The following MYO3B variants were observed in gnomAD, a reference collection of about 807,000 sequenced individuals.
The protein encoded by MYO3B is myosin IIIB, also known as myosin-IIIb.
A neutral mutation model predicts 174.6 loss-of-function variants in MYO3B; 156 were observed. The observed-to-expected ratio is 0.89, with a 90% CI of 0.78 to 1.02. The LOEUF is 1.02. MYO3B is among the 50% of genes least tolerant of loss of function. The pLI, the probability that MYO3B is intolerant of heterozygous loss-of-function variation, is 0.00. For synonymous variants in MYO3B, 563 were observed against 569.1 expected, an observed-to-expected ratio of 0.99 and a Z score of 0.15; for missense variants, 1,632 against 1,639.4, an observed-to-expected ratio of 1.00 and a Z score of 0.08.
At chr2:170,423,883 G>A (rs2094639209) in intron 22 of MYO3B, among the ~76,000 whole-genome samples, 1 of 152,106 alleles carries the variant, frequency 6.6e-6, no homozygotes, top group Non-Finnish European at 1.5e-5. Context: ...CCAGCCCATA[G>A]CAAAAGCTTT....
intron 32 of MYO3B, among the ~76,000 whole-genome samples, chr2:170,573,038 G>T (rs976999373): frequency 1.3e-5 from 2 of 151,808 alleles, no homozygotes; most frequent in African/African-American, 2.4e-5. Flanking sequence ...CTGATAAAAG[G>T]TATATATTCT....
chr2:170,272,880 A>C (rs767496931), intron 7 of MYO3B, among the ~76,000 whole-genome samples: 1 of 152,166 alleles, frequency 6.6e-6, no homozygotes, highest in Admixed American at 6.5e-5. Flanking sequence ...TCATAATACT[A>C]TTCTGGTATA....
chr2:170,404,523 T>C (rs989527088), intron 20 of MYO3B, 123 bp downstream of exon 20: 8 of 907,188 alleles, frequency 8.8e-6, no homozygotes, highest in African/African-American at 3.4e-5. Flanking sequence ...TGTAAGAATA[T>C]AGGCCTTCTT....
intron 8 of MYO3B, among the ~76,000 whole-genome samples, chr2:170,354,269 C>A (rs2105613253): frequency 6.6e-6 from 1 of 152,290 alleles, no homozygotes; most frequent in South Asian, 2.1e-4. Flanking sequence ...AGTTCTGGTT[C>A]CTTTTTTTTG....
At chr2:170,301,684 T>C (rs773489471) in intron 7 of MYO3B, among the ~76,000 whole-genome samples, 3 of 152,112 alleles carry the variant, frequency 2.0e-5, no homozygotes, top group Admixed American at 6.5e-5. Flanking sequence ...CAATAATATA[T>C]GGGCAATAAC....
chr2:170,650,061 C>A (rs1333496289), intron 32 of MYO3B: 1 of 104,852 alleles, frequency 9.5e-6, no homozygotes, highest in African/African-American at 3.7e-5. Context: ...GAGACAGAGT[C>A]TCACTCTGTC....
At chr2:170,521,645 A>G (rs1421730755) in intron 30 of MYO3B, among the ~76,000 whole-genome samples, 1 of 152,010 alleles carries the variant, frequency 6.6e-6, no homozygotes, top group African/African-American at 2.4e-5. Flanking sequence ...CCCTACCACT[A>G]TCAGGTAGCA....
At chr2:170,354,845 A>AT (rs944383215) in intron 8 of MYO3B, among the ~76,000 whole-genome samples, 12 of 150,076 alleles carry the variant, frequency 8.0e-5, no homozygotes, top group Non-Finnish European at 1.8e-4. Flanking sequence ...CCCAGACTCT[A>AT]TTTGGCCGTC....
At chr2:170,348,538 C>T (rs2094035900) in intron 8 of MYO3B, 1 of 151,996 alleles carries the variant, frequency 6.6e-6, no homozygotes, top group African/African-American at 2.4e-5. Context: ...ATGCCCAGCC[C>T]ATACTGTGTA....
chr2:170,423,229 C>T (rs1308398943), intron 22 of MYO3B, among the ~76,000 whole-genome samples: 10 of 152,134 alleles, frequency 6.6e-5, no homozygotes, highest in African/African-American at 2.2e-4. Flanking sequence ...GTGATCCACC[C>T]ACCTTGGCCT....
intron 32 of MYO3B, among the ~76,000 whole-genome samples, chr2:170,588,169 C>T (rs576837646): frequency 2.0e-5 from 3 of 152,072 alleles, no homozygotes; most frequent in Admixed American, 6.6e-5. Flanking sequence ...TGGTGACTCA[C>T]TTCTGTAATC....
At chr2:170,621,853 C>T (rs1035641398) in intron 32 of MYO3B, among the ~76,000 whole-genome samples, 4 of 151,998 alleles carry the variant, frequency 2.6e-5, no homozygotes, top group African/African-American at 9.7e-5. Flanking sequence ...GAATTGTGTA[C>T]CTGTTTTGGA....
intron 30 of MYO3B, among the ~76,000 whole-genome samples, chr2:170,538,528 G>A (rs1689872359): frequency 6.6e-6 from 1 of 152,204 alleles, no homozygotes; most frequent in Non-Finnish European, 1.5e-5. Flanking sequence ...CAGAAGAAGG[G>A]AGATGCTGGG....
At chr2:170,626,971 G>A (rs1348360700) in intron 32 of MYO3B, among the ~76,000 whole-genome samples, 2 of 152,066 alleles carry the variant, frequency 1.3e-5, no homozygotes, top group African/African-American at 4.8e-5. Context: ...CTCTCTGGCT[G>A]CCCTTAACAT....
intron 32 of MYO3B, among the ~76,000 whole-genome samples, chr2:170,546,299 T>A (rs1044990227): frequency 3.9e-5 from 6 of 152,208 alleles, no homozygotes; most frequent in African/African-American, 1.4e-4. Flanking sequence ...CATTTATGAG[T>A]TCTCTCCTCA....
At chr2:170,432,552 GTTAA>G (rs2094718094) in intron 22 of MYO3B, among the ~76,000 whole-genome samples, 1 of 151,240 alleles carries the variant, frequency 6.6e-6, no homozygotes, top group East Asian at 1.9e-4. Flanking sequence ...ATGGTAAGTG[GTTAA>G]TTTATTATTT....
chr2:170,499,913 T>TCCTTCTCCCCTCCCTC (rs1687135987), intron 27 of MYO3B, 105 bp downstream of exon 27: 55 of 886,066 alleles, frequency 6.2e-5, no homozygotes, highest in Non-Finnish European at 7.0e-5. Context: ...CTCCCTCCCT[T>TCCTTCTCCCCTCCCTC]CCTTCTCCCC....
chr2:170,546,843 C>T (rs1690525762), intron 32 of MYO3B, among the ~76,000 whole-genome samples: 1 of 152,134 alleles, frequency 6.6e-6, no homozygotes, highest in South Asian at 2.1e-4. Context: ...CACTAACATC[C>T]AGAAGGTTTG....
chr2:170,547,980 G>T (rs560351388), intron 32 of MYO3B, among the ~76,000 whole-genome samples: 105 of 151,826 alleles, frequency 6.9e-4, no homozygotes, highest in Non-Finnish European at 1.4e-3. Flanking sequence ...GGTGGCAGGC[G>T]CCTGTAGTCC....
Sources: allele counts gnomAD v4.1 joint callset (sites outside exome capture counted in the v4.1 genomes callset), GRCh38; gene constraint gnomAD v4.1.1; transcripts MANE v1.5; gene names NCBI Gene and HGNC (gene_info 2026-07-23, HGNC 2026-07-21).